PDE1C: variants seen among roughly 807,000 people sequenced by gnomAD.
The protein encoded by PDE1C is phosphodiesterase 1C.
PDE1C carries 62 observed loss-of-function variants against 93.1 expected under a neutral mutation model. That is an observed-to-expected ratio of 0.67 (90% CI 0.54 to 0.82). The LOEUF is 0.82. PDE1C is among the 40% of genes least tolerant of loss of function. PDE1C has a pLI of 0.00. For synonymous variants in PDE1C, 325 were observed against 310.1 expected, an observed-to-expected ratio of 1.05 and a Z score of -0.50; for missense variants, 742 against 884.6, an observed-to-expected ratio of 0.84 and a Z score of 2.04.
At chr7:31,968,786 T>C (rs1012192362) in intron 2 of PDE1C, among the ~76,000 whole-genome samples, 3 of 152,038 alleles carry the variant, frequency 2.0e-5, no homozygotes, top group African/African-American at 4.8e-5. Flanking sequence ...AACAGAGATA[T>C]AGACAAATGG....
At chr7:32,408,194 G>T (rs1351620131) in intron 1 of PDE1C, among the ~76,000 whole-genome samples, 1 of 152,174 alleles carries the variant, frequency 6.6e-6, no homozygotes, top group Non-Finnish European at 1.5e-5. Context: ...GTAGTATACA[G>T]CTTTAAGTTG....
At chr7:32,128,716 A>C (rs1799726915) in intron 3 of PDE1C, among the ~76,000 whole-genome samples, 1 of 151,392 alleles carries the variant, frequency 6.6e-6, no homozygotes, top group Non-Finnish European at 1.5e-5. Flanking sequence ...TTGGGGGACA[A>C]TTTATCAATG....
At chr7:31,712,172 G>A in the PDE1C span, among the ~76,000 whole-genome samples, 1 of 152,148 alleles carries the variant, frequency 6.6e-6, no homozygotes, top group Non-Finnish European at 1.5e-5. Context: ...CCTCACTGTT[G>A]TGTAAGGTCC....
the PDE1C span, among the ~76,000 whole-genome samples, chr7:31,622,520 C>T: frequency 5.3e-5 from 8 of 150,816 alleles, no homozygotes; most frequent in Non-Finnish European, 8.9e-5. Flanking sequence ...GGGTACATAA[C>T]GAAATGAAGG....
chr7:31,863,179 T>C (rs1197079530), intron 7 of PDE1C, among the ~76,000 whole-genome samples: 2 of 152,178 alleles, frequency 1.3e-5, no homozygotes, highest in Admixed American at 1.3e-4. Flanking sequence ...TTAGTTTCCT[T>C]TTTATTGTTT....
chr7:32,184,600 G>A (rs564507371), intron 2 of PDE1C, among the ~76,000 whole-genome samples: 4 of 152,272 alleles, frequency 2.6e-5, no homozygotes, highest in East Asian at 3.9e-4. Flanking sequence ...ATTGAACAAT[G>A]AGAACACATG....
intron 2 of PDE1C, among the ~76,000 whole-genome samples, chr7:31,979,801 T>G (rs1016308743): frequency 6.6e-6 from 1 of 152,240 alleles, no homozygotes; most frequent in Non-Finnish European, 1.5e-5. Context: ...AGGAGCAGAA[T>G]TCACTGTACC....
upstream of PDE1C, among the ~76,000 whole-genome samples, chr7:32,075,670 T>C (rs1336312143): frequency 6.6e-6 from 1 of 152,164 alleles, no homozygotes; most frequent in East Asian, 1.9e-4. Flanking sequence ...AATGGGGCTC[T>C]GAATAGCCAG....
At chr7:32,151,882 T>C (rs1165907210) in intron 3 of PDE1C, among the ~76,000 whole-genome samples, 1 of 152,224 alleles carries the variant, frequency 6.6e-6, no homozygotes, top group Non-Finnish European at 1.5e-5. Context: ...AGTTGAATAT[T>C]TGAACATGTA....
intron 2 of PDE1C, among the ~76,000 whole-genome samples, chr7:31,965,359 T>A (rs7784880): frequency 6.6e-6 from 1 of 151,938 alleles, no homozygotes; most frequent in Admixed American, 6.6e-5. Context: ...AGGGTATCAG[T>A]GATGGAAGAC....
the PDE1C span, among the ~76,000 whole-genome samples, chr7:31,677,262 T>C: frequency 6.6e-6 from 1 of 152,186 alleles, no homozygotes; most frequent in South Asian, 2.1e-4. Context: ...TCACTTACAC[T>C]ATTCCAAAGC....
intron 2 of PDE1C, among the ~76,000 whole-genome samples, chr7:31,885,683 T>C (rs946349280): frequency 1.2e-4 from 19 of 152,142 alleles, no homozygotes; most frequent in Non-Finnish European, 1.5e-5. Context: ...AAAAGGATGT[T>C]AGGGAGGAGA....
At chr7:31,904,071 T>C (rs943907609) in intron 2 of PDE1C, among the ~76,000 whole-genome samples, 1 of 152,146 alleles carries the variant, frequency 6.6e-6, no homozygotes, top group African/African-American at 2.4e-5. Context: ...CTTTGGCTGG[T>C]GGGAAAATTC....
At chr7:32,002,572 G>A (rs1255627249) in intron 2 of PDE1C, among the ~76,000 whole-genome samples, 1 of 145,634 alleles carries the variant, frequency 6.9e-6, no homozygotes, top group Non-Finnish European at 1.6e-5. Flanking sequence ...GACATAAAAA[G>A]CACTTAACAA....
intron 17 of PDE1C, among the ~76,000 whole-genome samples, chr7:31,761,309 G>T (rs976949744): frequency 6.6e-6 from 1 of 152,092 alleles, no homozygotes; most frequent in Non-Finnish European, 1.5e-5. Flanking sequence ...TAACATTTAG[G>T]TATGTACCTG....
At chr7:32,228,158 T>C (rs1807431785) in intron 1 of PDE1C, among the ~76,000 whole-genome samples, 1 of 152,220 alleles carries the variant, frequency 6.6e-6, no homozygotes, top group African/African-American at 2.4e-5. Context: ...AATAGATAAC[T>C]AATACAAGAA....
intron 1 of PDE1C, among the ~76,000 whole-genome samples, chr7:32,055,382 GTTCTACCTACT>G (rs1179541684): frequency 1.3e-5 from 2 of 151,938 alleles, no homozygotes; most frequent in East Asian, 3.9e-4. Flanking sequence ...ACCCTGAGAG[GTTCTACCTACT>G]TTCGACTTGA....
rs985244216 is a variant in PDE1C, at chr7:32,298,353, C to A, written c.85+298G>T. Among the ~76,000 whole-genome samples, 4 of 152,142 alleles carry A rather than the reference C, an allele frequency of 2.6e-5. No homozygotes were observed. The South Asian group carries it at 8.3e-4, about 32-fold the overall frequency. On this transcript the variant is annotated intron_variant, in intron 1 of 18. Coordinates refer to the PDE1C transcript ENST00000396193. ...CCCTATTTCCACCCCTCCTTTCCCC[C>A]GGCCTGCCTTATTAAAATCGCAGCC...
intron 2 of PDE1C, among the ~76,000 whole-genome samples, chr7:32,198,909 G>A (rs1661221963): frequency 6.6e-6 from 1 of 152,090 alleles, no homozygotes; most frequent in African/African-American, 2.4e-5. Context: ...TTGAGGTCAG[G>A]AGTTTGAGAC....
Sources: gnomAD v4.1 joint callset for allele counts (sites outside exome capture counted in the v4.1 genomes callset) on GRCh38, gnomAD v4.1.1 for gene constraint, MANE v1.5 for transcripts, NCBI Gene and HGNC (gene_info 2026-07-23, HGNC 2026-07-21) for gene names.